Variants in SIPA1L2 observed in about 807,000 individuals in gnomAD.
SIPA1L2 encodes signal-induced proliferation-associated 1-like protein 2.
SIPA1L2 carries 56 observed loss-of-function variants against 163.9 expected under a neutral mutation model. The ratio of observed to expected loss-of-function variants is 0.34; its 90% CI spans 0.28 to 0.43. SIPA1L2 has a LOEUF of 0.43. SIPA1L2 is among the 20% of genes least tolerant of loss of function. SIPA1L2 has a pLI of 1.00. For synonymous variants in SIPA1L2, 877 were observed against 865.7 expected (o/e 1.01, Z -0.23); for missense variants, 1,974 against 2,193.5 (o/e 0.90, Z 2.00).
Position 232,398,896 on chromosome 1 carries a change from C to T in SIPA1L2, c.*231G>A. On this transcript the variant is annotated 3_prime_UTR_variant, in exon 23 of 23. Coordinates refer to ENST00000674635, the MANE Select transcript of SIPA1L2 (RefSeq NM_020808.5). The stretch of plus-strand genomic sequence containing the variant: ...CTCAACTGTCGCCAGGGTTTACATT[C>T]ATCTTCACACCAGGAGTTACATTCA... The T allele has an allele frequency of 1.9e-6, 1 of 520,372 alleles. No homozygotes were observed. The highest frequency in any genetic ancestry group is 3.4e-5 in the East Asian group (1 of 29,124). The allele number at this position is 520,372 out of a possible 1,614,324, so 32.2% of individuals were successfully genotyped here.
At chr1:232,586,935 G>A (rs1573128761) in intron 1 of SIPA1L2, among the ~76,000 whole-genome samples, 1 of 152,220 alleles carries the variant, frequency 6.6e-6, no homozygotes, top group African/African-American at 2.4e-5. Flanking sequence ...TATTTTTGGA[G>A]TATGTCTACA....
At position 232,465,513 on chromosome 1, in the gene SIPA1L2, T is replaced by TAC. The variant is rs1405352946; in HGVS notation, c.2244-99_2244-98dup. 609 of 842,358 alleles carry TAC rather than the reference T, an allele frequency of 7.2e-4. 1 individual carries two copies. The African/African-American group carries it at 9.7e-3, about 13-fold the overall frequency. 52.2% of individuals were successfully genotyped at this position (842,358 alleles called of 1,614,324 possible). On this transcript the variant is annotated intron_variant, in intron 8 of 22. Transcript: ENST00000674635. The surrounding 1 kb of genome is among the most constrained non-coding windows in gnomAD (Gnocchi z 4.1). ...ATATATATACACACACACACACATA[T>TAC]ACATACACACACACACACACATATA...
intron 2 of SIPA1L2, among the ~76,000 whole-genome samples, chr1:232,539,014 T>C (rs1392063801): frequency 6.6e-6 from 1 of 152,262 alleles, no homozygotes; most frequent in Non-Finnish European, 1.5e-5. Context: ...TTTTGATTGC[T>C]GGGGGAAGTA....
At chr1:232,529,300 A>C (rs1667860912) in intron 2 of SIPA1L2, among the ~76,000 whole-genome samples, 1 of 152,160 alleles carries the variant, frequency 6.6e-6, no homozygotes, top group Non-Finnish European at 1.5e-5. Context: ...CAAAGCCATA[A>C]TCTATGACTC....
At position 232,515,336 on chromosome 1, in the gene SIPA1L2, T is replaced by G; in HGVS notation, c.4A>C (p.Ser2Arg). M[S>R]DPRQSQEEKH... ...TCTTCTTGTGACTGCCTTGGGTCAC[T>G]CATGTCTACCGAGGAAGAGCCTCCA... The change falls in exon 3 of 23, where the codon AGT (serine) becomes CGT (arginine). Residue 2 changes from serine (S) to arginine (R), a missense_variant. Transcript: ENST00000674635. The G allele has an allele frequency of 6.3e-7, 1 of 1,583,706 alleles. No individual in the cohort carries two copies. Among genetic ancestry groups the G allele is most frequent in the South Asian group, 1.2e-5 (1 of 86,142 alleles).
intron 1 of SIPA1L2, among the ~76,000 whole-genome samples, chr1:232,586,226 C>T (rs1318548542): frequency 2.0e-5 from 3 of 152,146 alleles, no homozygotes; most frequent in African/African-American, 7.2e-5. Flanking sequence ...TCTCAGTGAT[C>T]ATGTGGGTCC....
At chr1:232,604,480 T>C (rs61823262) in intron 1 of SIPA1L2, among the ~76,000 whole-genome samples, 4,018 of 152,292 alleles carry the variant, frequency 0.026, 79 homozygotes, top group Non-Finnish European at 0.037. Context: ...TCACAAGCAT[T>C]ATCAGAATCT....
At chr1:232,501,183 G>A (rs1275355200) in intron 3 of SIPA1L2, among the ~76,000 whole-genome samples, 3 of 150,064 alleles carry the variant, frequency 2.0e-5, no homozygotes, top group Non-Finnish European at 4.4e-5. Context: ...TCAGCCTCCT[G>A]AGTAGCTGGG....
At chr1:232,509,660 C>G (rs1666890053) in intron 3 of SIPA1L2, among the ~76,000 whole-genome samples, 1 of 152,174 alleles carries the variant, frequency 6.6e-6, no homozygotes, top group Non-Finnish European at 1.5e-5. Flanking sequence ...ACTCCCACAC[C>G]ATAGGAGGCC....
intron 2 of SIPA1L2, among the ~76,000 whole-genome samples, chr1:232,572,379 CTCGTTTTACTTCCGCA>C (rs1049976827): frequency 6.6e-6 from 1 of 152,176 alleles, no homozygotes; most frequent in Admixed American, 6.5e-5. Context: ...CACTATCTCC[CTCGTTTTACTTCCGCA>C]TCAGAATTTA....
At chr1:232,603,184 G>A (rs1661696078) in intron 1 of SIPA1L2, among the ~76,000 whole-genome samples, 1 of 152,168 alleles carries the variant, frequency 6.6e-6, no homozygotes, top group Non-Finnish European at 1.5e-5. Flanking sequence ...AGAACAGAGT[G>A]CAACAGAGAT....
At chr1:232,408,744 CT>C (rs1181003731) in intron 19 of SIPA1L2, among the ~76,000 whole-genome samples, 1 of 152,048 alleles carries the variant, frequency 6.6e-6, no homozygotes, top group African/African-American at 2.4e-5. Context: ...GGGTAAGTTC[CT>C]TTACGTACTT....
At chr1:232,399,631 A>T (rs904073923) in intron 22 of SIPA1L2, among the ~76,000 whole-genome samples, 1 of 152,172 alleles carries the variant, frequency 6.6e-6, no homozygotes, top group African/African-American at 2.4e-5. Context: ...AAACTTTCTA[A>T]GTAGAAAATT....
chr1:232,556,312 TTGC>T (rs1269591642), intron 2 of SIPA1L2, among the ~76,000 whole-genome samples: 1 of 152,234 alleles, frequency 6.6e-6, no homozygotes, highest in African/African-American at 2.4e-5. Context: ...TTTTCTGTTG[TTGC>T]TGCTGCTGCT....
intron 10 of SIPA1L2, among the ~76,000 whole-genome samples, chr1:232,454,582 G>C (rs1296018110): frequency 6.6e-6 from 1 of 152,180 alleles, no homozygotes; most frequent in African/African-American, 2.4e-5. Context: ...TTTGACGAAT[G>C]TATTTCTATG....
In SIPA1L2 at chr1:232,398,974, G is replaced by A; in HGVS notation, c.*153C>T. 1 of 1,011,966 alleles carries A rather than the reference G, an allele frequency of 9.9e-7. No homozygotes were observed. The highest frequency in any genetic ancestry group is 1.4e-6 in the Non-Finnish European group (1 of 707,940). The allele number at this position is 1,011,966 out of a possible 1,614,324, so 62.7% of individuals were successfully genotyped here. On this transcript the variant is annotated 3_prime_UTR_variant, in exon 23 of 23. Transcript: ENST00000674635. ...GCCGTGGTTACCGAGAAAGAGTCGA[G>A]GCTCCCTATCCTGCTGTGGTGAATG...
chr1:232,439,472 G>A lies in SIPA1L2; in HGVS notation c.3667C>T (p.His1223Tyr), dbSNP rs1376194695. ...SHIGDKSCSSHSSSNTLSSNT... is the reference protein window; with the variant it reads ...SHIGDKSCSSYSSSNTLSSNT... Reference sequence around the variant, plus strand: ...CTGGAGAGCGTGTTGCTGCTGGAGTGACTGGAGCAACTTTTATCCCCAATC... The same window carrying A: ...CTGGAGAGCGTGTTGCTGCTGGAGTAACTGGAGCAACTTTTATCCCCAATC... The change falls in exon 15 of 23, where the codon CAC becomes TAC. Residue 1223 changes from histidine to tyrosine, a missense_variant. Physicochemically the swap from His to Tyr is moderately conservative, Grantham distance 83 (BLOSUM62 2). This residue lies in a region of SIPA1L2 where 1,079 missense variants were observed against 1,150.7 expected (regional missense o/e 0.94). Coordinates refer to ENST00000674635, the MANE Select transcript of SIPA1L2 (RefSeq NM_020808.5). 7 of 1,613,108 alleles carry A rather than the reference G, an allele frequency of 4.3e-6. No individual in the cohort carries two copies. Among genetic ancestry groups the A allele is most frequent in the Non-Finnish European group, 5.9e-6 (7 of 1,179,280 alleles).
intron 7 of SIPA1L2, among the ~76,000 whole-genome samples, chr1:232,476,292 G>A (rs1665041135): frequency 1.3e-5 from 2 of 152,082 alleles, no homozygotes; most frequent in African/African-American, 4.8e-5. Context: ...TAGCATCTCA[G>A]AAACCTAGGG....
At chr1:232,415,468 G>T in intron 19 of SIPA1L2, 26 bp downstream of exon 19, 1 of 1,587,342 alleles carries the variant, frequency 6.3e-7, no homozygotes, top group Non-Finnish European at 8.6e-7. Flanking sequence ...GGTAAGGGGT[G>T]AGGCCAGAGG....
Sources: gnomAD v4.1 joint callset for allele counts (sites outside exome capture counted in the v4.1 genomes callset) on GRCh38, gnomAD v4.1.1 for gene constraint, gnomAD v4.1.1 regional missense constraint, Gnocchi (gnomAD v3.1) non-coding constraint, MANE v1.5 for transcripts, NCBI Gene and HGNC (gene_info 2026-07-23, HGNC 2026-07-21) for gene names.